Variants in ZMYM6 observed in about 807,000 individuals in gnomAD.
ZMYM6 encodes the protein zinc finger MYM-type protein 6.
Under a neutral mutation model 134.0 loss-of-function variants are expected in ZMYM6, and 90 were observed. The observed-to-expected ratio is 0.67, with a 90% CI of 0.57 to 0.80. The LOEUF is 0.80. Among genes scored for constraint, ZMYM6 ranks in the 30% least tolerant of loss-of-function variants. The pLI, the probability that ZMYM6 is intolerant of heterozygous loss-of-function variation, is 0.00. For synonymous variants in ZMYM6, 481 were observed against 524.1 expected, an observed-to-expected ratio of 0.92 and a Z score of 1.12; for missense variants, 1,362 against 1,533.9, an observed-to-expected ratio of 0.89 and a Z score of 1.87.
At chr1:35,014,566 AT>A (rs1284585573) in intron 6 of ZMYM6, 130 bp downstream of exon 6, 3 of 919,876 alleles carry the variant, frequency 3.3e-6, no homozygotes, top group Admixed American at 5.8e-5. Context: ...AATCTATCCC[AT>A]TTTCTGGAAG....
intron 2 of ZMYM6, among the ~76,000 whole-genome samples, chr1:35,021,319 T>G (rs1318115687): frequency 6.6e-6 from 1 of 151,926 alleles, no homozygotes; most frequent in Non-Finnish European, 1.5e-5. Context: ...TTTTGTGTTT[T>G]TTTCCAGTAG....
At position 34,987,281 on chromosome 1, in the gene ZMYM6, G is replaced by A. The variant is rs778646014; in HGVS notation, c.3801C>T (p.Leu1267=). The A allele has an allele frequency of 4.3e-6, 7 of 1,613,094 alleles. No individual in the cohort carries two copies. The highest frequency in any genetic ancestry group is 1.7e-4 in the Middle Eastern group (1 of 6,060). The change falls in exon 16 of 16, where the codon CTC becomes CTT. Residue 1267 remains leucine (L), a synonymous_variant. Coordinates refer to ENST00000357182, the MANE Select transcript of ZMYM6 (RefSeq NM_007167.4). Reference sequence around the variant, plus strand: ...ATAAAAATTTCATTGCCCTTTCATGGAGTTCTGGGTAACTTGTCTTTGCAT... The same window carrying A: ...ATAAAAATTTCATTGCCCTTTCATGAAGTTCTGGGTAACTTGTCTTTGCAT... ...WINAKTSYPE[L]HERAMKFLLP... is the part of the protein sequence containing the mutation.
chr1:34,996,734 T>C (rs1294136619), intron 14 of ZMYM6, among the ~76,000 whole-genome samples: 1 of 152,260 alleles, frequency 6.6e-6, no homozygotes, highest in Admixed American at 6.5e-5. Flanking sequence ...ATATATACCT[T>C]GTTCAGTTTT....
chr1:35,009,074 A>C, intron 10 of ZMYM6, 150 bp from the exon 11 acceptor site: 1 of 713,502 alleles, frequency 1.4e-6, no homozygotes, highest in Non-Finnish European at 2.2e-6. Context: ...CTCTATATTC[A>C]CAAACCAAAC....
chr1:35,025,188 C>G (rs1285558733), intron 2 of ZMYM6, among the ~76,000 whole-genome samples: 1 of 148,420 alleles, frequency 6.7e-6, no homozygotes, highest in East Asian at 2.2e-4. Flanking sequence ...TGTATTTGCA[C>G]AAAAGGTGGC....
intron 7 of ZMYM6, among the ~76,000 whole-genome samples, 193 bp from the exon 8 acceptor site, chr1:35,012,198 T>G (rs539926167): frequency 2.6e-5 from 4 of 152,284 alleles, no homozygotes; most frequent in African/African-American, 7.2e-5. Context: ...ACTTGGAAAT[T>G]TTAAGTGTTT....
intron 11 of ZMYM6, among the ~76,000 whole-genome samples, chr1:35,007,363 G>T (rs565727712): frequency 6.6e-6 from 1 of 152,108 alleles, no homozygotes; most frequent in South Asian, 2.1e-4. Flanking sequence ...GGCCGAGGTG[G>T]GCGGATCATG....
intron 8 of ZMYM6, among the ~76,000 whole-genome samples, chr1:35,011,329 C>CATCA (rs1557575996): frequency 6.6e-6 from 1 of 152,118 alleles, no homozygotes; most frequent in Non-Finnish European, 1.5e-5. Flanking sequence ...CCTGCACTCC[C>CATCA]ATCATCAACC....
chr1:34,998,838 G>C (rs7540430), intron 14 of ZMYM6, among the ~76,000 whole-genome samples: 36,268 of 152,032 alleles, frequency 0.24, 10,541 homozygotes, highest in African/African-American at 0.69. Context: ...AACCACAGGA[G>C]TGGGCCAAGA....
rs375810522 is a variant in ZMYM6 at position 34,988,949 on chromosome 1, T to C, written c.2147-14A>G. 4.7e-5 allele frequency: 75 copies of C among 1,599,476 alleles called. No homozygotes were observed. The African/African-American group carries it at 8.0e-4, about 17-fold the overall frequency. On this transcript the variant is annotated splice_polypyrimidine_tract_variant and intron_variant, in intron 15 of 15. Coordinates refer to ENST00000357182, the MANE Select transcript of ZMYM6 (RefSeq NM_007167.4). ...GCATAGGTAAATCTGAATGAAATAT[T>C]TGAATCACTGTTATTTTCAAGAACA...
In ZMYM6 at chr1:34,988,049, A is replaced by C. The variant is rs772613424; in HGVS notation, c.3033T>G (p.Phe1011Leu). 1 of 1,551,580 alleles carries C rather than the reference A, an allele frequency of 6.4e-7. No homozygotes were observed. Among genetic ancestry groups the C allele is most frequent in the Non-Finnish European group, 8.7e-7 (1 of 1,146,950 alleles). Residue 1011 changes from phenylalanine (F) to leucine (L), a missense_variant, in exon 16 of 16, where the codon TTT (phenylalanine) becomes TTG (leucine). Coordinates refer to ENST00000357182, the MANE Select transcript of ZMYM6 (RefSeq NM_007167.4). ...CTGCCACTAAACGTTCACGGTGAAT[A>C]AAACAATGTGTAAATGCCGCTGTAT... The part of the protein sequence containing the change: ...AMNTAAFTHC[F>L]IHRERLVAEK...
rs1641112296 is a variant in ZMYM6, at chr1:35,012,952, C to A, written c.796-371G>T. ...TGTACATCAATCTAGAAGAGTCTAC[C>A]ACCTTTAAGGTTACTTAATTTGTGA... On this transcript the variant is annotated intron_variant, in intron 6 of 15. Transcript: ENST00000357182. 1.4e-5 allele frequency: 14 copies of A among 984,926 alleles called. No homozygotes were observed. In the South Asian group the frequency reaches 5.2e-4, roughly 36 times the overall value. The allele number at this position is 984,926 out of a possible 1,614,324, so 61.0% of individuals were successfully genotyped here.
At chr1:35,005,525 G>C (rs979657405) in intron 12 of ZMYM6, among the ~76,000 whole-genome samples, 4 of 151,414 alleles carry the variant, frequency 2.6e-5, no homozygotes, top group Non-Finnish European at 1.5e-5. Flanking sequence ...ATTGGATACA[G>C]TGGCACCAGC....
Position 34,987,147 on chromosome 1 carries a change from G to C in ZMYM6, c.3935C>G (p.Ser1312Cys). The C allele has an allele frequency of 6.3e-7, 1 of 1,582,346 alleles. No homozygotes were observed. The highest frequency in any genetic ancestry group is 2.2e-5 in the East Asian group (1 of 44,524). Reference sequence around the variant, plus strand: ...TAATTTTTCTATCCTTGGAATTAAAGATGTGACTGCAAGTCTTAGGGCAGG... The same window carrying C: ...TAATTTTTCTATCCTTGGAATTAAACATGTGACTGCAAGTCTTAGGGCAGG... The part of the protein sequence containing the change: ...SGPALRLAVT[S>C]LIPRIEKLVK... Residue 1312 changes from serine to cysteine, a missense_variant, in exon 16 of 16, where the codon TCT becomes TGT. This residue lies in a region of ZMYM6 where 824 missense variants were observed against 940.9 expected (regional missense o/e 0.88). Coordinates refer to ENST00000357182, the MANE Select transcript of ZMYM6 (RefSeq NM_007167.4).
At chr1:35,013,586 T>C (rs1417254831) in intron 6 of ZMYM6, 3 of 985,334 alleles carry the variant, frequency 3.0e-6, no homozygotes, top group African/African-American at 3.5e-5. Flanking sequence ...CAGTGATGAA[T>C]GTCCATATGT....
intron 2 of ZMYM6, among the ~76,000 whole-genome samples, chr1:35,021,201 C>G (rs1189135526): frequency 3.3e-5 from 5 of 149,836 alleles, no homozygotes; most frequent in Non-Finnish European, 7.4e-5. Flanking sequence ...AGTGCAATGG[C>G]GTGATCTTGG....
intron 6 of ZMYM6, chr1:35,013,486 G>A: frequency 1.0e-6 from 1 of 984,912 alleles, no homozygotes; most frequent in Non-Finnish European, 1.2e-6. Flanking sequence ...ACTGATTTTG[G>A]GATCATATAT....
chr1:35,014,228 T>C (rs1641141932), intron 6 of ZMYM6, among the ~76,000 whole-genome samples: 1 of 152,334 alleles, frequency 6.6e-6, no homozygotes, highest in South Asian at 2.1e-4. Flanking sequence ...TCTTAACTCT[T>C]GCTTATGGTT....
At chr1:34,990,429 G>C (rs1462878478) in intron 15 of ZMYM6, 2 of 163,076 alleles carry the variant, frequency 1.2e-5, no homozygotes, top group African/African-American at 4.8e-5. Flanking sequence ...GTTGCAGTGA[G>C]CCGAGATCGC....
Sources: allele counts gnomAD v4.1 joint callset (sites outside exome capture counted in the v4.1 genomes callset), GRCh38; gene constraint gnomAD v4.1.1; regional missense constraint gnomAD v4.1.1; transcripts MANE v1.5; gene names NCBI Gene and HGNC (gene_info 2026-07-23, HGNC 2026-07-21).